The following PARD3B variants were observed in gnomAD, a reference collection of about 807,000 sequenced individuals.
PARD3B encodes the protein par-3 family cell polarity regulator beta.
PARD3B carries 103 observed loss-of-function variants against 130.2 expected under a neutral mutation model. The observed-to-expected ratio is 0.79, with a 90% CI of 0.67 to 0.93. PARD3B has a LOEUF of 0.93. Among genes scored for constraint, PARD3B ranks in the 40% least tolerant of loss-of-function variants. The pLI is 0.00. For synonymous variants in PARD3B, 583 were observed against 553.2 expected (o/e 1.05, Z -0.76); for missense variants, 1,609 against 1,499.2 (o/e 1.07, Z -1.21).
In PARD3B at chr2:204,811,899, A is replaced by G. The variant is rs139475696; in HGVS notation, c.222+125617A>G. Among the ~76,000 whole-genome samples, 221 of 152,198 alleles carry G rather than the reference A, an allele frequency of 1.5e-3. 1 individual carries two copies. Among genetic ancestry groups the G allele is most frequent in the Non-Finnish European group, 2.6e-3 (179 of 68,008 alleles). Reference sequence around the variant, plus strand: ...TCACGGTCCTTATTGGCTTTTTTAGAAACATTTGGCCTGGCAATGTTTGTT... The same window carrying G: ...TCACGGTCCTTATTGGCTTTTTTAGGAACATTTGGCCTGGCAATGTTTGTT... On this transcript the variant is annotated intron_variant, in intron 2 of 22. Coordinates refer to ENST00000406610, the MANE Select transcript of PARD3B (RefSeq NM_001302769.2).
At chr2:204,674,530 G>T (rs1559048759) in intron 1 of PARD3B, among the ~76,000 whole-genome samples, 1 of 131,500 alleles carries the variant, frequency 7.6e-6, no homozygotes, top group East Asian at 2.8e-4. Flanking sequence ...TGGGAGGGGG[G>T]TGGGTGTTGG....
chr2:204,685,491 G>A (rs2037031391), intron 1 of PARD3B, among the ~76,000 whole-genome samples: 1 of 152,172 alleles, frequency 6.6e-6, no homozygotes, highest in Admixed American at 6.5e-5. Context: ...AGAGTAAGCG[G>A]TTTTTAAAAG....
rs888360830 is a variant in PARD3B at position 205,280,482 on chromosome 2, C to T, written c.2186-20048C>T. Among the ~76,000 whole-genome samples the T allele has an allele frequency of 3.9e-5, 6 of 152,178 alleles. No homozygotes were observed. The highest frequency in any genetic ancestry group is 1.3e-4 in the Admixed American group (2 of 15,278). On this transcript the variant is annotated intron_variant, in intron 16 of 22. Coordinates refer to ENST00000406610, the MANE Select transcript of PARD3B (RefSeq NM_001302769.2). This position sits in a 1 kb window ranked among gnomAD's most constrained non-coding sequence, Gnocchi z 4.7. ...AAACTCTAGATTAAGTTTCAGAGTT[C>T]AGCCTGGGAGAAAGGAACTATTGAA...
At chr2:204,753,923 A>T (rs2040563677) in intron 2 of PARD3B, among the ~76,000 whole-genome samples, 2 of 152,084 alleles carry the variant, frequency 1.3e-5, no homozygotes, top group African/African-American at 4.8e-5. Flanking sequence ...AAAATAAATA[A>T]TTGGTGCAGT....
intron 2 of PARD3B, among the ~76,000 whole-genome samples, chr2:204,831,039 A>AT (rs912930918): frequency 1.3e-5 from 2 of 152,196 alleles, no homozygotes; most frequent in Non-Finnish European, 2.9e-5. Context: ...GAATGCTTAT[A>AT]TTTTTATTAA....
intron 1 of PARD3B, among the ~76,000 whole-genome samples, chr2:204,548,163 G>A (rs961050293): frequency 3.9e-5 from 6 of 151,972 alleles, no homozygotes; most frequent in Non-Finnish European, 7.4e-5. Context: ...TATTCATAAT[G>A]GCACTAAAAG....
chr2:205,518,377 T>C (rs947177723), intron 21 of PARD3B, among the ~76,000 whole-genome samples: 1 of 152,164 alleles, frequency 6.6e-6, no homozygotes, highest in African/African-American at 2.4e-5. Flanking sequence ...TTGAAGTCTG[T>C]TTTGTGTTAA....
At chr2:204,850,277 A>G (rs2044654075) in intron 2 of PARD3B, among the ~76,000 whole-genome samples, 1 of 152,200 alleles carries the variant, frequency 6.6e-6, no homozygotes, top group Admixed American at 6.5e-5. Context: ...TCTACTAAAT[A>G]AACAAATGGG....
At chr2:204,931,153 A>G (rs1575338604) in intron 2 of PARD3B, among the ~76,000 whole-genome samples, 1 of 152,256 alleles carries the variant, frequency 6.6e-6, no homozygotes, top group South Asian at 2.1e-4. Context: ...GTGGCATCAA[A>G]TTCAGTATTT....
At position 205,359,803 on chromosome 2, in the gene PARD3B, C is replaced by T. The variant is rs544259401; in HGVS notation, c.2631-41210C>T. Among the ~76,000 whole-genome samples, 4 of 152,104 alleles carry T rather than the reference C, an allele frequency of 2.6e-5. 1 individual carries two copies. The highest frequency in any genetic ancestry group is 4.8e-5 in the African/African-American group (2 of 41,514). The stretch of plus-strand genomic sequence containing the variant: ...TGCTTAGCTTCTAAGCACCCTTTAC[C>T]GCACAATGACACTAAGAAACATCCT... On this transcript the variant is annotated intron_variant, in intron 18 of 22. Transcript: ENST00000406610.
chr2:205,475,720 A>T (rs1358933175), intron 20 of PARD3B, among the ~76,000 whole-genome samples: 1 of 152,196 alleles, frequency 6.6e-6, no homozygotes, highest in Non-Finnish European at 1.5e-5. Context: ...AAGAAAGAAA[A>T]AGTCCTGCAC....
chr2:205,210,301 G>A (rs1475048030), intron 15 of PARD3B, among the ~76,000 whole-genome samples: 3 of 151,902 alleles, frequency 2.0e-5, no homozygotes, highest in Admixed American at 2.0e-4. Context: ...ATACCTACCT[G>A]TGTTCTTATA....
At chr2:205,240,046 C>A (rs2039282601) in intron 15 of PARD3B, among the ~76,000 whole-genome samples, 1 of 152,040 alleles carries the variant, frequency 6.6e-6, no homozygotes, top group Non-Finnish European at 1.5e-5. Flanking sequence ...TCTTCCTAAG[C>A]AGAATCATTA....
chr2:205,493,662 C>T (rs2049808552), intron 20 of PARD3B, among the ~76,000 whole-genome samples: 1 of 152,002 alleles, frequency 6.6e-6, no homozygotes, highest in Non-Finnish European at 1.5e-5. Flanking sequence ...TTATCACCTC[C>T]AGATAGGAAT....
At chr2:205,097,830 CGTGTGT>C (rs71939970) in intron 4 of PARD3B, among the ~76,000 whole-genome samples, 61,843 of 150,272 alleles carry the variant, frequency 0.41, 13,109 homozygotes, top group South Asian at 0.54. Context: ...AATCTAGTGG[CGTGTGT>C]GTGTGTGTGT....
chr2:205,299,803 G>C (rs570298682), intron 16 of PARD3B, among the ~76,000 whole-genome samples: 1 of 152,204 alleles, frequency 6.6e-6, no homozygotes, highest in South Asian at 2.1e-4. Context: ...GCATTAAAAG[G>C]TTGCCTCTTT....
chr2:205,398,312 G>C (rs1445362750), intron 18 of PARD3B, among the ~76,000 whole-genome samples: 1 of 151,820 alleles, frequency 6.6e-6, no homozygotes, highest in Non-Finnish European at 1.5e-5. Flanking sequence ...AACAAAAAAA[G>C]AAAGAAAGTT....
chr2:205,047,877 CG>C, intron 4 of PARD3B, 187 bp downstream of exon 4: 1 of 454,022 alleles, frequency 2.2e-6, no homozygotes, highest in Non-Finnish European at 3.9e-6. Context: ...ATAGCTATTA[CG>C]TATATGGCAC....
chr2:204,785,597 G>A (rs995271286), intron 2 of PARD3B, among the ~76,000 whole-genome samples: 6 of 152,174 alleles, frequency 3.9e-5, no homozygotes, highest in African/African-American at 1.2e-4. Flanking sequence ...ACCCTTATGA[G>A]AGTTATGTGT....
Sources: gnomAD v4.1 joint callset for allele counts (sites outside exome capture counted in the v4.1 genomes callset) on GRCh38, gnomAD v4.1.1 for gene constraint, Gnocchi (gnomAD v3.1) non-coding constraint, MANE v1.5 for transcripts, NCBI Gene and HGNC (gene_info 2026-07-23, HGNC 2026-07-21) for gene names.